SMYD3: variants seen among roughly 807,000 people sequenced by gnomAD.
SMYD3 encodes the protein histone-lysine N-methyltransferase SMYD3.
Under a neutral mutation model 57.7 loss-of-function variants are expected in SMYD3, and 36 were observed. That is an observed-to-expected ratio of 0.62 (90% CI 0.48 to 0.82). SMYD3 has a LOEUF of 0.82. Ranked by LOEUF, SMYD3 falls within the 40% of genes least tolerant of loss-of-function variation. The pLI is 0.00. For missense variants in SMYD3, 515 were observed against 538.8 expected, an observed-to-expected ratio of 0.96 and a Z score of 0.44; for synonymous variants, 211 against 195.0, an observed-to-expected ratio of 1.08 and a Z score of -0.68.
intron 2 of SMYD3, among the ~76,000 whole-genome samples, chr1:246,348,038 G>T (rs1219879925): frequency 4.2e-5 from 3 of 71,228 alleles, no homozygotes; most frequent in African/African-American, 1.5e-4. Flanking sequence ...GCCCATCATT[G>T]GTGGACTGAA....
chr1:246,227,648 A>G (rs2063349170), intron 5 of SMYD3, among the ~76,000 whole-genome samples: 2 of 151,996 alleles, frequency 1.3e-5, no homozygotes, highest in Non-Finnish European at 2.9e-5. Flanking sequence ...AGAAGAAGGA[A>G]GAAGGAAGAA....
intron 5 of SMYD3, among the ~76,000 whole-genome samples, chr1:246,245,836 T>C (rs1384865449): frequency 6.6e-6 from 1 of 152,208 alleles, no homozygotes; most frequent in Non-Finnish European, 1.5e-5. Context: ...TTGCTATGAA[T>C]ACACCAAACT....
At chr1:246,057,625 T>C (rs528149192) in intron 5 of SMYD3, among the ~76,000 whole-genome samples, 2 of 152,322 alleles carry the variant, frequency 1.3e-5, no homozygotes, top group Admixed American at 6.5e-5. Context: ...GGATGTGGAA[T>C]AACAGGAACT....
chr1:245,780,088 G>A (rs1446465215), intron 10 of SMYD3, among the ~76,000 whole-genome samples: 1 of 152,202 alleles, frequency 6.6e-6, no homozygotes, highest in South Asian at 2.1e-4. Context: ...GTGTAAAATA[G>A]TACAGCCACT....
chr1:245,947,078 G>A (rs756307262), intron 5 of SMYD3, among the ~76,000 whole-genome samples: 6 of 152,154 alleles, frequency 3.9e-5, no homozygotes, highest in South Asian at 2.1e-4. Flanking sequence ...CTGTCAGATC[G>A]TCCACAGGAA....
intron 5 of SMYD3, among the ~76,000 whole-genome samples, chr1:246,156,384 A>C (rs1216550630): frequency 6.6e-6 from 1 of 152,228 alleles, no homozygotes; most frequent in African/African-American, 2.4e-5. Context: ...AATAATTTAG[A>C]TTCTAAAGAA....
intron 1 of SMYD3, among the ~76,000 whole-genome samples, chr1:246,403,865 C>G (rs993097526): frequency 2.0e-5 from 3 of 152,170 alleles, no homozygotes; most frequent in African/African-American, 7.2e-5. Flanking sequence ...CGTGTTCAAG[C>G]ACACATACAT....
intron 8 of SMYD3, among the ~76,000 whole-genome samples, chr1:245,869,699 C>A (rs1026534381): frequency 6.6e-6 from 1 of 152,160 alleles, no homozygotes; most frequent in Non-Finnish European, 1.5e-5. Flanking sequence ...CCCATTCTTT[C>A]CCCTCACAGC....
intron 8 of SMYD3, among the ~76,000 whole-genome samples, chr1:245,899,231 A>G (rs895435356): frequency 6.6e-5 from 10 of 151,526 alleles, no homozygotes; most frequent in African/African-American, 2.5e-4. Context: ...TTGGGAATGC[A>G]CTAAGCTGAA....
chr1:245,910,558 T>TGG (rs1320812213), intron 8 of SMYD3, among the ~76,000 whole-genome samples: 1 of 152,038 alleles, frequency 6.6e-6, no homozygotes. Context: ...AAAGTAAGCA[T>TGG]GGTACTAGCA....
intron 5 of SMYD3, among the ~76,000 whole-genome samples, chr1:246,083,502 C>T (rs1195441871): frequency 4.0e-5 from 1 of 24,972 alleles, no homozygotes; most frequent in East Asian, 5.5e-4. Context: ...AACTCAGAGG[C>T]TGGTGCCGGC....
chr1:245,967,028 T>A (rs1172573015), intron 5 of SMYD3, among the ~76,000 whole-genome samples: 1 of 152,228 alleles, frequency 6.6e-6, no homozygotes, highest in Non-Finnish European at 1.5e-5. Flanking sequence ...AACTGCTTTT[T>A]GTCTTCATTA....
At chr1:246,043,666 T>A (rs1347929964) in intron 5 of SMYD3, among the ~76,000 whole-genome samples, 2 of 152,222 alleles carry the variant, frequency 1.3e-5, no homozygotes, top group East Asian at 3.8e-4. Context: ...TAAATGCTGT[T>A]TACCTTTAAA....
intron 5 of SMYD3, among the ~76,000 whole-genome samples, chr1:245,993,879 T>G (rs1359956478): frequency 6.6e-6 from 1 of 152,216 alleles, no homozygotes; most frequent in Admixed American, 6.5e-5. Flanking sequence ...TACACTTAAA[T>G]GATTTAAATG....
intron 1 of SMYD3, among the ~76,000 whole-genome samples, chr1:246,440,438 T>C (rs2067444949): frequency 6.6e-6 from 1 of 152,182 alleles, no homozygotes; most frequent in Non-Finnish European, 1.5e-5. Context: ...TCACACCCAC[T>C]ACACTGATAT....
intron 5 of SMYD3, among the ~76,000 whole-genome samples, chr1:246,311,925 G>C (rs2065087357): frequency 6.6e-6 from 1 of 152,182 alleles, no homozygotes; most frequent in Non-Finnish European, 1.5e-5. Flanking sequence ...AAACACACTG[G>C]CAATGCAACA....
rs534305833 is a variant in SMYD3 at position 245,761,786 on chromosome 1, C to CTTTTTTTTTT, written c.1185+2245_1185+2254dup. Among the ~76,000 whole-genome samples, 115 of 115,718 alleles carry CTTTTTTTTTT rather than the reference C, an allele frequency of 9.9e-4. 6 individuals are homozygous for CTTTTTTTTTT. Among genetic ancestry groups the CTTTTTTTTTT allele is most frequent in the African/African-American group, 4.1e-3 (109 of 26,894 alleles). 75.9% of individuals were successfully genotyped at this position (115,718 alleles called of 152,430 possible). A position where few individuals can be genotyped will look rare whatever the true frequency, so the allele number is the denominator to read the frequency against. ...TTAAATTGTACACACCATATTGAGT[C>CTTTTTTTTTT]TTTTTTTTTTTTTTTTTTTGAGACA... On this transcript the variant is annotated intron_variant, in intron 11 of 11. Transcript: ENST00000490107.
chr1:245,887,354 G>A (rs561833881), intron 8 of SMYD3, among the ~76,000 whole-genome samples: 26 of 152,108 alleles, frequency 1.7e-4, no homozygotes, highest in Non-Finnish European at 3.4e-4. Context: ...TCCACCCCTC[G>A]TTTAGCATAT....
At chr1:245,939,027 T>G (rs1215382104) in intron 5 of SMYD3, among the ~76,000 whole-genome samples, 1 of 151,898 alleles carries the variant, frequency 6.6e-6, no homozygotes, top group Non-Finnish European at 1.5e-5. Flanking sequence ...GAGGCTATAT[T>G]CCCAGCTACT....
Sources: gnomAD v4.1 joint callset for allele counts (sites outside exome capture counted in the v4.1 genomes callset) on GRCh38, gnomAD v4.1.1 for gene constraint, MANE v1.5 for transcripts, NCBI Gene and HGNC (gene_info 2026-07-23, HGNC 2026-07-21) for gene names.